Variants in SETD3 observed in about 807,000 individuals in gnomAD.
The protein encoded by SETD3 is actin-histidine N-methyltransferase.
A neutral mutation model predicts 63.0 loss-of-function variants in SETD3; 19 were observed. The observed-to-expected ratio is 0.30, with a 90% CI of 0.21 to 0.44. The LOEUF (loss-of-function observed/expected upper bound fraction) is 0.44, where lower values mean the gene tolerates loss of function less well. Among genes scored for constraint, SETD3 ranks in the 20% least tolerant of loss-of-function variants. SETD3 has a pLI of 1.00. For missense variants in SETD3, 587 were observed against 728.5 expected (o/e 0.81, Z 2.24); for synonymous variants, 286 against 264.1 (o/e 1.08, Z -0.80).
At chr14:99,451,105 G>A (rs1474581247) in intron 6 of SETD3, among the ~76,000 whole-genome samples, 2 of 152,128 alleles carry the variant, frequency 1.3e-5, no homozygotes, top group African/African-American at 2.4e-5. Context: ...TAGGATATAC[G>A]TTGCTTTCAC....
At chr14:99,465,094 C>T (rs1473983856) in intron 2 of SETD3, among the ~76,000 whole-genome samples, 2 of 152,142 alleles carry the variant, frequency 1.3e-5, no homozygotes, top group African/African-American at 2.4e-5. Flanking sequence ...CGTCATAGTG[C>T]CATGGCACTC....
intron 6 of SETD3, among the ~76,000 whole-genome samples, chr14:99,433,759 A>G (rs1336350897): frequency 6.6e-6 from 1 of 152,210 alleles, no homozygotes; most frequent in African/African-American, 2.4e-5. Context: ...TAATGAGCGT[A>G]ACATTTGAAC....
In SETD3 at chr14:99,436,136, G is replaced by A. The variant is rs185338026; in HGVS notation, c.675+22143C>T. ...TCACAAGAACAACATGGGGGAAACCGCCTCCATGATTCACCTGCCTCCGCT... is the reference window on the plus strand; with the variant it reads ...TCACAAGAACAACATGGGGGAAACCACCTCCATGATTCACCTGCCTCCGCT... On this transcript the variant is annotated intron_variant, in intron 6 of 12. Transcript: ENST00000331768. Among the ~76,000 whole-genome samples, 61 of 152,134 alleles carry A rather than the reference G, an allele frequency of 4.0e-4. 1 individual carries two copies. The East Asian group carries it at 0.012, about 29-fold the overall frequency.
chr14:99,421,982 T>C (rs900806869), intron 6 of SETD3, among the ~76,000 whole-genome samples: 8 of 152,168 alleles, frequency 5.3e-5, no homozygotes, highest in African/African-American at 1.2e-4. Context: ...AAATTCACCA[T>C]AGAGGTATTA....
upstream of SETD3, among the ~76,000 whole-genome samples, chr14:99,485,346 A>G (rs768654000): frequency 3.9e-5 from 6 of 152,152 alleles, no homozygotes; most frequent in Non-Finnish European, 5.9e-5. Context: ...TCCCCTCAAC[A>G]GATATCTTGG....
At chr14:99,461,126 C>T (rs749714053) in intron 4 of SETD3, 66 bp downstream of exon 4, 11 of 1,558,124 alleles carry the variant, frequency 7.1e-6, no homozygotes, top group South Asian at 1.2e-5. Context: ...CTTCACCCTG[C>T]GCCCTCTACA....
chr14:99,448,880 T>C (rs1478699497), intron 6 of SETD3, among the ~76,000 whole-genome samples: 1 of 152,254 alleles, frequency 6.6e-6, no homozygotes. Flanking sequence ...AAGTGAACTT[T>C]ATAAATGATC....
At chr14:99,420,947 C>CG (rs559807226) in intron 6 of SETD3, among the ~76,000 whole-genome samples, 24 of 7,386 alleles carry the variant, frequency 3.2e-3, no homozygotes, top group Non-Finnish European at 7.1e-3. Context: ...CAGGCGAGGG[C>CG]GGGGGGGGGG....
chr14:99,445,722 TAC>T (rs1224316825), intron 6 of SETD3, among the ~76,000 whole-genome samples: 1 of 152,188 alleles, frequency 6.6e-6, no homozygotes, highest in African/African-American at 2.4e-5. Flanking sequence ...CTCATAAGGA[TAC>T]TTATTCAGGG....
At chr14:99,430,012 G>A (rs530019474) in intron 6 of SETD3, among the ~76,000 whole-genome samples, 1 of 152,348 alleles carries the variant, frequency 6.6e-6, no homozygotes, top group South Asian at 2.1e-4. Context: ...AAACGAGAGG[G>A]GAGGGGGAGT....
the SETD3 span, among the ~76,000 whole-genome samples, chr14:99,485,953 A>C: frequency 6.6e-6 from 1 of 152,360 alleles, no homozygotes; most frequent in South Asian, 2.1e-4. Context: ...TTGCACTTCT[A>C]AAAATGTTAT....
chr14:99,472,414 A>G (rs996780516), intron 1 of SETD3, among the ~76,000 whole-genome samples: 2 of 152,372 alleles, frequency 1.3e-5, no homozygotes, highest in African/African-American at 4.8e-5. Context: ...ATGGATTTAA[A>G]TAACTACCCT....
Position 99,406,531 on chromosome 14 carries a change from A to C in SETD3, c.909T>G (p.Phe303Leu). The change falls in exon 9 of 13, where the codon TTT becomes TTG. Residue 303 changes from phenylalanine (F) to leucine (L), a missense_variant. By Grantham distance (22) the Phe-to-Leu change is conservative. Coordinates refer to ENST00000331768, the MANE Select transcript of SETD3 (RefSeq NM_032233.3). ...CGAGACCCACCTGCTCTCCAGCCCG[A>C]AAATCCTGCAGAGCCACACACTCAC... is the stretch of plus-strand genomic sequence containing the variant. ...DRCECVALQD[F>L]RAGEQIYIFY... 6.2e-7 allele frequency: 1 copy of C among 1,614,216 alleles called. No individual in the cohort carries two copies. The highest frequency in any genetic ancestry group is 1.1e-5 in the South Asian group (1 of 91,080).
intron 6 of SETD3, among the ~76,000 whole-genome samples, chr14:99,434,492 G>T (rs1893359945): frequency 6.6e-6 from 1 of 152,092 alleles, no homozygotes; most frequent in African/African-American, 2.4e-5. Flanking sequence ...AAAGACAGTG[G>T]GGAGTTTTCT....
chr14:99,430,892 T>C (rs1472705942), intron 6 of SETD3, among the ~76,000 whole-genome samples: 1 of 152,242 alleles, frequency 6.6e-6, no homozygotes, highest in Non-Finnish European at 1.5e-5. Flanking sequence ...GGGCAGGTCC[T>C]AAATTTCACT....
intron 4 of SETD3, among the ~76,000 whole-genome samples, chr14:99,460,612 T>G (rs766688349): frequency 6.6e-6 from 1 of 151,824 alleles, no homozygotes; most frequent in Non-Finnish European, 1.5e-5. Flanking sequence ...AGAAGAGACA[T>G]GAGTGAGGGG....
intron 8 of SETD3, among the ~76,000 whole-genome samples, chr14:99,407,622 C>T (rs1891756699): frequency 6.6e-6 from 1 of 152,104 alleles, no homozygotes; most frequent in Non-Finnish European, 1.5e-5. Flanking sequence ...ACGCTTCCCT[C>T]CAGCTTCAGG....
chr14:99,430,112 T>C (rs1410748156), intron 6 of SETD3, among the ~76,000 whole-genome samples: 3 of 152,186 alleles, frequency 2.0e-5, no homozygotes, highest in African/African-American at 7.2e-5. Flanking sequence ...CCCAGGTGAC[T>C]TATGCTCACT....
intron 6 of SETD3, among the ~76,000 whole-genome samples, chr14:99,420,060 C>CA (rs1283250120): frequency 6.6e-6 from 1 of 152,144 alleles, no homozygotes; most frequent in Non-Finnish European, 1.5e-5. Context: ...GATAAGTGAC[C>CA]AAAAAACCAC....
Sources: gnomAD v4.1 joint callset for allele counts (sites outside exome capture counted in the v4.1 genomes callset) on GRCh38, gnomAD v4.1.1 for gene constraint, MANE v1.5 for transcripts, NCBI Gene and HGNC (gene_info 2026-07-23, HGNC 2026-07-21) for gene names.